The following RPS24 variants were observed in gnomAD, a reference collection of about 807,000 sequenced individuals.
The protein encoded by RPS24 is small ribosomal subunit protein eS24.
For missense variants in RPS24, 100 were observed against 162.5 expected (o/e 0.62, Z 2.09); for synonymous variants, 72 against 55.6 (o/e 1.30, Z -1.31).
At chr10:78,044,756 A>C (rs1848024864), downstream of RPS24, among the ~76,000 whole-genome samples, 1 of 149,958 alleles carries the variant, frequency 6.7e-6, no homozygotes, top group South Asian at 2.1e-4. Context: ...GTCAGCGGAG[A>C]ATAAATCAGG....
At chr10:78,054,775 A>T (rs1437012789) in exon 5 of RPS24, 1 of 1,551,510 alleles carries the variant, frequency 6.4e-7, no homozygotes, top group Non-Finnish European at 8.7e-7. Flanking sequence ...TGCCTTTTGG[A>T]GAGGGCACTG....
chr10:78,049,567 C>G (rs1353087583), intron 4 of RPS24, among the ~76,000 whole-genome samples: 1 of 152,220 alleles, frequency 6.6e-6, no homozygotes, highest in East Asian at 1.9e-4. Context: ...CGTTTTCTCT[C>G]TCCACTTTGC....
chr10:78,049,415 C>G (rs998859866), intron 4 of RPS24, among the ~76,000 whole-genome samples: 8 of 152,182 alleles, frequency 5.3e-5, no homozygotes, highest in African/African-American at 1.9e-4. Flanking sequence ...AGGAGGCCTT[C>G]TGCTGCAAGT....
intron 4 of RPS24, among the ~76,000 whole-genome samples, chr10:78,053,892 A>G (rs1222015903): frequency 2.0e-5 from 3 of 152,136 alleles, no homozygotes; most frequent in Non-Finnish European, 2.9e-5. Flanking sequence ...GAGGAGACCA[A>G]CATGTCTACC....
At position 78,037,329 on chromosome 10, in the gene RPS24, G is replaced by A. The variant is rs1388900455; in HGVS notation, c.390+25G>A. 3.2e-6 allele frequency: 5 copies of A among 1,572,248 alleles called. No homozygotes were observed. In the Admixed American group the frequency reaches 7.5e-5, roughly 24 times the overall value. ...GGTATAGTTCATTAAGGAAAATATA[G>A]AAACGTCATTAATTGTAGGTCTTTA... On this transcript the variant is annotated intron_variant, in intron 4 of 5. Coordinates refer to ENST00000372360, the MANE Select transcript of RPS24 (RefSeq NM_033022.4).
chr10:78,055,394 T>C (rs566736490), exon 5 of RPS24: 33 of 180,164 alleles, frequency 1.8e-4, no homozygotes, highest in South Asian at 6.7e-4. Context: ...TGTTCCTAAT[T>C]AGCTCATTGC....
intron 4 of RPS24, chr10:78,038,038 G>A: frequency 1.7e-6 from 2 of 1,144,752 alleles, no homozygotes; most frequent in Non-Finnish European, 2.3e-6. Flanking sequence ...AGTTTGCTTT[G>A]ATGATGCTTT....
intron 4 of RPS24, chr10:78,054,441 G>A (rs1240944314): frequency 1.3e-5 from 16 of 1,186,634 alleles, no homozygotes; most frequent in Non-Finnish European, 1.8e-5. Context: ...TGAGGGAGGT[G>A]CAGAATCCCA....
chr10:78,040,999 T>C (rs1432673317), downstream of RPS24, among the ~76,000 whole-genome samples: 1 of 152,198 alleles, frequency 6.6e-6, no homozygotes, highest in Non-Finnish European at 1.5e-5. Context: ...AGCTCGAGGC[T>C]ACAGTGAGGT....
At chr10:78,047,507 G>A (rs942094506) in intron 4 of RPS24, among the ~76,000 whole-genome samples, 13 of 152,284 alleles carry the variant, frequency 8.5e-5, no homozygotes, top group Middle Eastern at 3.4e-3. Context: ...CTGCTTTGTT[G>A]TCAAGACCGC....
downstream of RPS24, among the ~76,000 whole-genome samples, chr10:78,042,995 G>A (rs767059016): frequency 5.1e-5 from 6 of 117,740 alleles, no homozygotes; most frequent in East Asian, 1.2e-3. Flanking sequence ...TAATCTGCGC[G>A]CGCACACACA....
At chr10:78,053,864 C>T (rs763864508) in intron 4 of RPS24, among the ~76,000 whole-genome samples, 7 of 152,106 alleles carry the variant, frequency 4.6e-5, no homozygotes, top group Admixed American at 4.6e-4. Flanking sequence ...CAAGATGAAG[C>T]CTGAGCCCTA....
At chr10:78,037,460 CTA>C (rs1436659418) in intron 4 of RPS24, 156 bp downstream of exon 4, 2 of 1,274,088 alleles carry the variant, frequency 1.6e-6, no homozygotes, top group East Asian at 5.2e-5. Flanking sequence ...TTTTAAGAAA[CTA>C]TGTAGCATAG....
At chr10:78,047,215 C>T (rs1252535439) in intron 4 of RPS24, among the ~76,000 whole-genome samples, 3 of 151,942 alleles carry the variant, frequency 2.0e-5, no homozygotes, top group Admixed American at 2.0e-4. Context: ...ATCCGCTGGC[C>T]TCGGCCTCCA....
At chr10:78,034,139 A>C in intron 1 of RPS24, 1 of 330,896 alleles carries the variant, frequency 3.0e-6, no homozygotes, top group South Asian at 2.2e-5. Flanking sequence ...GCAGTGCAGG[A>C]GCTGTTGCGC....
intron 1 of RPS24, 101 bp from the exon 2 acceptor site, chr10:78,035,251 A>G (rs1214167682): frequency 8.5e-7 from 1 of 1,181,618 alleles, no homozygotes. Context: ...TACATGACTA[A>G]TGGCTACAAA....
chr10:78,035,779 TGTTGTGA>T, intron 3 of RPS24, 59 bp downstream of exon 3: 2 of 1,381,722 alleles, frequency 1.4e-6, no homozygotes, highest in Non-Finnish European at 2.0e-6. Context: ...AATAGCGTTG[TGTTGTGA>T]GTGTGGTAAA....
downstream of RPS24, among the ~76,000 whole-genome samples, chr10:78,044,586 CCT>C (rs1554842996): frequency 6.6e-6 from 1 of 151,860 alleles, no homozygotes; most frequent in Non-Finnish European, 1.5e-5. Context: ...TGTGAACACA[CCT>C]CCATACATTA....
intron 4 of RPS24, among the ~76,000 whole-genome samples, chr10:78,053,182 AC>A (rs1361191180): frequency 5.9e-4 from 57 of 96,744 alleles, no homozygotes; most frequent in African/African-American, 1.7e-3. Context: ...AACAACAACA[AC>A]AACAAAAAAA....
Sources: allele counts gnomAD v4.1 joint callset (sites outside exome capture counted in the v4.1 genomes callset), GRCh38; gene constraint gnomAD v4.1.1; transcripts MANE v1.5; gene names NCBI Gene and HGNC (gene_info 2026-07-23, HGNC 2026-07-21).